The following PPM1L variants were observed in gnomAD, a reference collection of about 807,000 sequenced individuals.
PPM1L encodes the protein protein phosphatase 1L.
PPM1L carries 13 observed loss-of-function variants against 31.4 expected under a neutral mutation model. The ratio of observed to expected loss-of-function variants is 0.41; its 90% confidence interval spans 0.27 to 0.66. PPM1L has a LOEUF of 0.66. Ranked by LOEUF, PPM1L falls within the 30% of genes least tolerant of loss-of-function variation. PPM1L has a pLI of 0.29. For synonymous variants in PPM1L, 184 were observed against 175.4 expected, an observed-to-expected ratio of 1.05 and a Z score of -0.39; for missense variants, 326 against 453.7, an observed-to-expected ratio of 0.72 and a Z score of 2.56.
At chr3:160,996,035 A>G (rs1469485999) in intron 2 of PPM1L, among the ~76,000 whole-genome samples, 2 of 152,244 alleles carry the variant, frequency 1.3e-5, no homozygotes, top group Non-Finnish European at 2.9e-5. Context: ...AGCATGTGAA[A>G]AAATGCTCAA....
intron 1 of PPM1L, among the ~76,000 whole-genome samples, chr3:160,766,493 T>TC (rs879888380): frequency 6.6e-6 from 1 of 152,142 alleles, no homozygotes; most frequent in Non-Finnish European, 1.5e-5. Context: ...TATAAGGGGC[T>TC]TTTCCCCTCT....
chr3:160,951,592 A>G (rs1323362312), intron 1 of PPM1L, among the ~76,000 whole-genome samples: 1 of 152,226 alleles, frequency 6.6e-6, no homozygotes, highest in Non-Finnish European at 1.5e-5. Flanking sequence ...GGAAGCCATC[A>G]TACAGAAAGT....
At chr3:160,807,702 AG>A (rs1473221910) in intron 1 of PPM1L, among the ~76,000 whole-genome samples, 1 of 151,718 alleles carries the variant, frequency 6.6e-6, no homozygotes, top group Admixed American at 6.5e-5. Context: ...AGGGAGTTTC[AG>A]GAAAAAAAAT....
intron 2 of PPM1L, among the ~76,000 whole-genome samples, chr3:161,014,160 C>T (rs1388255320): frequency 6.6e-6 from 1 of 152,142 alleles, no homozygotes; most frequent in Non-Finnish European, 1.5e-5. Flanking sequence ...GTGGCTGGTA[C>T]TGGTTGTTCC....
chr3:160,888,808 C>T (rs146031357), intron 1 of PPM1L, among the ~76,000 whole-genome samples: 2 of 152,166 alleles, frequency 1.3e-5, no homozygotes, highest in Non-Finnish European at 2.9e-5. Context: ...GAACTGAAAT[C>T]ATAACAGACC....
At chr3:161,009,227 G>A (rs1717809351) in intron 2 of PPM1L, among the ~76,000 whole-genome samples, 1 of 152,210 alleles carries the variant, frequency 6.6e-6, no homozygotes, top group Admixed American at 6.5e-5. Flanking sequence ...TACATGAGCT[G>A]TGTTGATCCT....
intron 1 of PPM1L, among the ~76,000 whole-genome samples, chr3:160,849,350 A>G (rs1262656753): frequency 5.3e-5 from 8 of 152,066 alleles, no homozygotes; most frequent in Non-Finnish European, 7.4e-5. Flanking sequence ...CCTGCATCCA[A>G]GTAGCAGTCA....
At chr3:160,890,819 C>T (rs1713112564) in intron 1 of PPM1L, among the ~76,000 whole-genome samples, 1 of 152,114 alleles carries the variant, frequency 6.6e-6, no homozygotes, top group Admixed American at 6.6e-5. Flanking sequence ...GAAATAACGC[C>T]ACACATCTAC....
At chr3:160,815,839 A>G (rs888595893) in intron 1 of PPM1L, among the ~76,000 whole-genome samples, 1 of 152,166 alleles carries the variant, frequency 6.6e-6, no homozygotes, top group Non-Finnish European at 1.5e-5. Context: ...AGGGCTCTGA[A>G]TAAGGGCACA....
chr3:160,931,925 A>G (rs930299236), intron 1 of PPM1L, among the ~76,000 whole-genome samples: 6 of 152,226 alleles, frequency 3.9e-5, no homozygotes, highest in African/African-American at 1.4e-4. Context: ...TAAGTAGTCA[A>G]TTCTGCCTTC....
At chr3:160,826,565 A>G (rs1485363588) in intron 1 of PPM1L, among the ~76,000 whole-genome samples, 1 of 152,128 alleles carries the variant, frequency 6.6e-6, no homozygotes, top group Admixed American at 6.6e-5. Context: ...TTCAAAGTCC[A>G]TTTAGATTTA....
At chr3:161,023,981 C>T (rs1362663462) in intron 2 of PPM1L, among the ~76,000 whole-genome samples, 1 of 152,188 alleles carries the variant, frequency 6.6e-6, no homozygotes, top group Non-Finnish European at 1.5e-5. Flanking sequence ...AAATCTTCCC[C>T]TTAAGATTTT....
At chr3:161,016,060 A>G (rs901744636) in intron 2 of PPM1L, among the ~76,000 whole-genome samples, 3 of 152,288 alleles carry the variant, frequency 2.0e-5, no homozygotes, top group South Asian at 4.1e-4. Context: ...AGGTGTGTCT[A>G]TATCACATAT....
At chr3:160,825,263 A>T (rs903590453) in intron 1 of PPM1L, among the ~76,000 whole-genome samples, 1 of 152,120 alleles carries the variant, frequency 6.6e-6, no homozygotes, top group Admixed American at 6.6e-5. Flanking sequence ...CTAAAATAGA[A>T]CCGTAAGGTG....
intron 2 of PPM1L, among the ~76,000 whole-genome samples, chr3:161,019,394 C>A (rs912681143): frequency 2.0e-5 from 3 of 152,100 alleles, no homozygotes; most frequent in African/African-American, 7.2e-5. Context: ...GATAGGGTCT[C>A]ACTATGTTGT....
rs143885469 is a variant in PPM1L, at chr3:160,965,657, A to T, written c.574+3747A>T. Among the ~76,000 whole-genome samples, 588 of 152,246 alleles carry T rather than the reference A, an allele frequency of 3.9e-3. 4 individuals carry two copies. Among genetic ancestry groups the T allele is most frequent in the African/African-American group, 0.013 (547 of 41,570 alleles). ...AGTGGGTTTATCAGGATGTAATCTC[A>T]TTCTAAGTCGAGGAGCATCTGCACT... is the stretch of plus-strand genomic sequence containing the variant. On this transcript the variant is annotated intron_variant, in intron 2 of 3. Transcript: ENST00000498165.
At chr3:160,792,320 C>T (rs1453187705) in intron 1 of PPM1L, among the ~76,000 whole-genome samples, 1 of 152,124 alleles carries the variant, frequency 6.6e-6, no homozygotes, top group African/African-American at 2.4e-5. Context: ...GTTATGACCA[C>T]TTAAGTAACA....
At chr3:160,826,722 T>A (rs1010092698) in intron 1 of PPM1L, among the ~76,000 whole-genome samples, 2 of 152,148 alleles carry the variant, frequency 1.3e-5, no homozygotes, top group Non-Finnish European at 2.9e-5. Context: ...AAAATGTACA[T>A]TTACAACACT....
At chr3:161,053,599 T>C (rs1719333653) in intron 2 of PPM1L, among the ~76,000 whole-genome samples, 2 of 152,184 alleles carry the variant, frequency 1.3e-5, no homozygotes, top group Non-Finnish European at 1.5e-5. Flanking sequence ...TCTGGTGAAG[T>C]GTGAAAATTA....
Sources: gnomAD v4.1 joint callset for allele counts (sites outside exome capture counted in the v4.1 genomes callset) on GRCh38, gnomAD v4.1.1 for gene constraint, MANE v1.5 for transcripts, NCBI Gene and HGNC (gene_info 2026-07-23, HGNC 2026-07-21) for gene names.